GLE1: variants seen among roughly 807,000 people sequenced by gnomAD.
The protein encoded by GLE1 is GLE1 RNA export mediator.
In GLE1, 78 loss-of-function variants were observed where a neutral mutation model predicts 97.3. The observed-to-expected ratio is 0.80, with a 90% CI of 0.67 to 0.97. The LOEUF (loss-of-function observed/expected upper bound fraction) is 0.97, where lower values mean the gene tolerates loss of function less well. GLE1 is among the 50% of genes least tolerant of loss of function. The pLI is 0.00. For synonymous variants in GLE1, 302 were observed against 313.4 expected (o/e 0.96, Z 0.39); for missense variants, 753 against 857.5 (o/e 0.88, Z 1.52).
intron 9 of GLE1, among the ~76,000 whole-genome samples, chr9:128,528,100 C>T (rs1343425824): frequency 6.8e-6 from 1 of 147,114 alleles, no homozygotes; most frequent in African/African-American, 2.5e-5. Context: ...ACCGGCTTCA[C>T]GCTGTTCTAT....
At chr9:128,540,227 A>G (rs371164611) in intron 14 of GLE1, 48 bp from the exon 15 acceptor site, 6 of 1,248,356 alleles carry the variant, frequency 4.8e-6, no homozygotes, top group Non-Finnish European at 5.9e-6. Context: ...TTTCCAAAAG[A>G]TAGGTGTATA....
At chr9:128,504,703 C>A, upstream of GLE1, 1 of 831,882 alleles carries the variant, frequency 1.2e-6, no homozygotes, top group South Asian at 1.3e-5. Flanking sequence ...CTGTGCTGCG[C>A]GCGCGTCCCG....
chr9:128,520,875 C>T (rs1193218338), intron 3 of GLE1, among the ~76,000 whole-genome samples: 1 of 151,998 alleles, frequency 6.6e-6, no homozygotes, highest in Non-Finnish European at 1.5e-5. Flanking sequence ...TACCTCAGCT[C>T]TTTCTGCTTT....
At chr9:128,516,315 ATTTTGT>A (rs1043588359) in intron 3 of GLE1, among the ~76,000 whole-genome samples, 6 of 150,702 alleles carry the variant, frequency 4.0e-5, no homozygotes, top group Admixed American at 6.6e-5. Flanking sequence ...ATTTGATTGT[ATTTTGT>A]TTTTGTTTTT....
intron 9 of GLE1, among the ~76,000 whole-genome samples, chr9:128,531,831 CAAA>C (rs1206684667): frequency 5.8e-5 from 3 of 51,860 alleles, no homozygotes; most frequent in Non-Finnish European, 8.3e-5. Context: ...GACTCCAGCT[CAAA>C]AAAAAAAAAA....
Position 128,536,243 on chromosome 9 carries a change from A to G in GLE1, c.1647-112A>G, listed in dbSNP as rs1847704957. On this transcript the variant is annotated intron_variant, in intron 11 of 15. Transcript: ENST00000309971. ...GAGATGGGGTTTCACCACATTGGCC[A>G]GGCTAGTCTTGAACTCCTGGCCTCA... The G allele has an allele frequency of 2.6e-6, 2 of 776,276 alleles. 1 individual carries two copies. The highest frequency in any genetic ancestry group is 3.8e-5 in the Admixed American group (2 of 52,666). The allele number at this position is 776,276 out of a possible 1,614,324, so 48.1% of individuals were successfully genotyped here. A position where few individuals can be genotyped will look rare whatever the true frequency, so the allele number is the denominator to read the frequency against.
chr9:128,516,386 C>A (rs1265492234), intron 3 of GLE1, among the ~76,000 whole-genome samples: 2 of 152,228 alleles, frequency 1.3e-5, no homozygotes, highest in African/African-American at 4.8e-5. Context: ...GTGGCACCAT[C>A]TCGGCTCACC....
intron 2 of GLE1, among the ~76,000 whole-genome samples, chr9:128,513,616 A>G (rs971023567): frequency 6.6e-6 from 1 of 151,752 alleles, no homozygotes; most frequent in Non-Finnish European, 1.5e-5. Flanking sequence ...AGGCTGAGGT[A>G]GGAGGATCCT....
rs369854107 is a variant in GLE1, at chr9:128,528,505, G to A, written c.1312+980G>A. 9.2e-5 allele frequency among the ~76,000 whole-genome samples: 14 copies of A among 151,870 alleles called. No homozygotes were observed. In the East Asian group the frequency reaches 2.5e-3, roughly 27 times the overall value. On this transcript the variant is annotated intron_variant, in intron 9 of 15. Transcript: ENST00000309971. ...TTTTTAGTAGACACGGGGTTTCACC[G>A]TGTTAACCAGGATGGTCTCGACCTC...
intron 6 of GLE1, 62 bp downstream of exon 6, chr9:128,523,908 C>T: frequency 6.4e-7 from 1 of 1,559,130 alleles, no homozygotes; most frequent in East Asian, 2.2e-5. Flanking sequence ...AAAAGCAAAA[C>T]TGTTTTCTGA....
Position 128,509,066 on chromosome 9 carries a change from C to T in GLE1, c.290C>T (p.Pro97Leu), listed in dbSNP as rs774891003. 6.2e-7 allele frequency: 1 copy of T among 1,612,616 alleles called. No homozygotes were observed. The highest frequency in any genetic ancestry group is 8.5e-7 in the Non-Finnish European group (1 of 1,178,568). Residue 97 changes from proline (P) to leucine (L), a missense_variant, in exon 2 of 16, where the codon CCA (proline) becomes CTA (leucine). Transcript: ENST00000309971. ...CCTGACGCAAGCTCTGCCTTTTCCC[C>T]AGCCTCCCCTGCAACACCAAATGGA... ...KSPDASSAFS[P>L]ASPATPNGTK...
In GLE1 at chr9:128,539,685, GACT is replaced by G; in HGVS notation, c.1955_1957del (p.Tyr652del). 1 of 1,612,750 alleles carries G rather than the reference GACT, an allele frequency of 6.2e-7. No individual in the cohort carries two copies. Among genetic ancestry groups the G allele is most frequent in the Non-Finnish European group, 8.5e-7 (1 of 1,178,766 alleles). On this transcript the variant is annotated inframe_deletion, in exon 14 of 16. Transcript: ENST00000309971. Reference sequence around the variant, plus strand: ...GAAGATGCTAATTCTCATCAAAGAGGACTACTTTCCCAGGTATCAGGCTTGTTG... The same window carrying G: ...GAAGATGCTAATTCTCATCAAAGAGGACTTTCCCAGGTATCAGGCTTGTTG...
chr9:128,541,175 A>C lies in GLE1; in HGVS notation c.*5A>C. On this transcript the variant is annotated 3_prime_UTR_variant, in exon 16 of 16. Transcript: ENST00000309971. ...TCCTCCTTCTGGCGCTCCTGATGTC[A>C]CTCCATCACCCACCATCACCGCTGC... 2 of 1,504,326 alleles carry C rather than the reference A, an allele frequency of 1.3e-6. No homozygotes were observed. The highest frequency in any genetic ancestry group is 1.9e-6 in the Non-Finnish European group (2 of 1,079,760). 93.2% of individuals were successfully genotyped at this position (1,504,326 alleles called of 1,614,324 possible).
intron 3 of GLE1, among the ~76,000 whole-genome samples, chr9:128,516,106 G>A (rs1259516691): frequency 5.3e-5 from 8 of 151,636 alleles, no homozygotes; most frequent in Non-Finnish European, 8.8e-5. Context: ...ACAGGCTCGC[G>A]CCACCACACC....
At chr9:128,505,847 C>G (rs1332434107) in intron 1 of GLE1, among the ~76,000 whole-genome samples, 2 of 152,186 alleles carry the variant, frequency 1.3e-5, no homozygotes, top group Non-Finnish European at 2.9e-5. Context: ...CTTTAGCATT[C>G]ATTGATGTTT....
intron 6 of GLE1, 112 bp from the exon 7 acceptor site, chr9:128,525,080 T>C (rs1847263212): frequency 2.6e-6 from 2 of 775,888 alleles, no homozygotes; most frequent in Admixed American, 2.0e-5. Context: ...ATTCGTTGAA[T>C]GTGGATACTC....
At chr9:128,506,385 T>C (rs1564140277) in intron 1 of GLE1, among the ~76,000 whole-genome samples, 1 of 152,224 alleles carries the variant, frequency 6.6e-6, no homozygotes, top group East Asian at 1.9e-4. Context: ...ACAACAATTA[T>C]GTATTCATAA....
At chr9:128,540,620 G>A (rs1847858274) in intron 15 of GLE1, 2 of 422,642 alleles carry the variant, frequency 4.7e-6, no homozygotes, top group Non-Finnish European at 8.6e-6. Context: ...TTTTTTGCAT[G>A]TTGGCCAAGG....
chr9:128,527,332 G>A (rs758856729), intron 8 of GLE1, 41 bp downstream of exon 8: 5 of 1,325,916 alleles, frequency 3.8e-6, no homozygotes, highest in South Asian at 3.5e-5. Flanking sequence ...TGGACTTGAT[G>A]GTTCTCAGAG....
Sources: allele counts gnomAD v4.1 joint callset (sites outside exome capture counted in the v4.1 genomes callset), GRCh38; gene constraint gnomAD v4.1.1; transcripts MANE v1.5; gene names NCBI Gene and HGNC (gene_info 2026-07-23, HGNC 2026-07-21).